Variants in SALL2 observed in about 807,000 individuals in gnomAD.
The protein encoded by SALL2 is spalt like transcription factor 2, also known as sal-like protein 2.
SALL2 carries 32 observed loss-of-function variants against 58.5 expected under a neutral mutation model. The ratio of observed to expected loss-of-function variants is 0.55; its 90% CI spans 0.41 to 0.74. The LOEUF is 0.74. Among genes scored for constraint, SALL2 ranks in the 30% least tolerant of loss-of-function variants. The pLI, the probability that SALL2 is intolerant of heterozygous loss-of-function variation, is 0.00. For synonymous variants in SALL2, 516 were observed against 513.6 expected (o/e 1.00, Z -0.06); for missense variants, 1,201 against 1,268.9 (o/e 0.95, Z 0.81).
In SALL2 at chr14:21,526,056, C is replaced by A. The variant is rs764880763; in HGVS notation, c.67+5G>T. On this transcript the variant is annotated splice_donor_5th_base_variant and intron_variant, in intron 1 of 1. Coordinates refer to ENST00000537235, the MANE Select transcript of SALL2 (RefSeq NM_001364564.1). ...CCCTGCCCAGCCCGACCGACCCTAC[C>A]GCACCTCCGAGCTCTGCCGGCTCCC... is the stretch of plus-strand genomic sequence containing the variant. The A allele has an allele frequency of 6.5e-7, 1 of 1,535,070 alleles. No individual in the cohort carries two copies. Among genetic ancestry groups the A allele is most frequent in the South Asian group, 1.2e-5 (1 of 84,032 alleles).
At chr14:21,536,334 AC>A (rs1892594896) in intron 1 of SALL2, among the ~76,000 whole-genome samples, 1 of 152,126 alleles carries the variant, frequency 6.6e-6, no homozygotes, top group African/African-American at 2.4e-5. Context: ...CTGCATTCTG[AC>A]CGACCTTAGC....
At chr14:21,533,228 C>T (rs1002583485) in intron 1 of SALL2, among the ~76,000 whole-genome samples, 6 of 152,028 alleles carry the variant, frequency 3.9e-5, no homozygotes, top group Non-Finnish European at 7.4e-5. Flanking sequence ...CTCTGTAACA[C>T]CAGGACTGAG....
At chr14:21,527,226 TGC>T (rs1892345913), upstream of SALL2, among the ~76,000 whole-genome samples, 1 of 152,102 alleles carries the variant, frequency 6.6e-6, no homozygotes, top group Non-Finnish European at 1.5e-5. Context: ...CTTGAAACAA[TGC>T]GGTAGGAACT....
intron 1 of SALL2, among the ~76,000 whole-genome samples, chr14:21,533,638 G>C (rs1473470155): frequency 6.6e-6 from 1 of 151,426 alleles, no homozygotes; most frequent in Non-Finnish European, 1.5e-5. Flanking sequence ...AGTGAATAGA[G>C]TATTTCCTGC....
rs138337497 is a variant in SALL2 at position 21,523,910 on chromosome 14, C to T, written c.1812G>A (p.Ala604=). 13 of 1,614,034 alleles carry T rather than the reference C, an allele frequency of 8.1e-6. No individual in the cohort carries two copies. Among genetic ancestry groups the T allele is most frequent in the Admixed American group, 3.3e-5 (2 of 60,006 alleles). Residue 604 remains alanine, a synonymous_variant, in exon 2 of 2, where the codon GCG becomes GCA. Coordinates refer to ENST00000537235, the MANE Select transcript of SALL2 (RefSeq NM_001364564.1). The surrounding 1 kb of genome is among the most constrained non-coding windows in gnomAD (Gnocchi z 4.4). ...VEKIDRQGAV[A]VTSAASGAPT... Reference sequence around the variant, plus strand: ...GGGCTCCTGAGGCAGCTGAGGTCACCGCCACAGCTCCTTGCCGGTCAATCT... The same window carrying T: ...GGGCTCCTGAGGCAGCTGAGGTCACTGCCACAGCTCCTTGCCGGTCAATCT...
In SALL2 at chr14:21,524,815, C is replaced by A. The variant is rs1195295070; in HGVS notation, c.907G>T (p.Ala303Ser). The A allele has an allele frequency of 3.1e-6, 5 of 1,610,104 alleles. No homozygotes were observed. Residue 303 changes from alanine to serine, a missense_variant, in exon 2 of 2, where the codon GCC becomes TCC. Transcript: ENST00000537235. ...AGCTGATCTGTGCTGCCTGGCAAGG[C>A]TGGGGAAGGGGCAGGGGTGGGTTTG... ...SHKPTPAPSP[A>S]LPGSTDQLIA...
chr14:21,523,355 T>A lies in SALL2; in HGVS notation c.2367A>T (p.Gly789=). Residue 789 remains glycine (G), a synonymous_variant, in exon 2 of 2, where the codon GGA becomes GGT. Coordinates refer to ENST00000537235, the MANE Select transcript of SALL2 (RefSeq NM_001364564.1). This position sits in a 1 kb window ranked among gnomAD's most constrained non-coding sequence, Gnocchi z 4.4. Reference sequence around the variant, plus strand: ...CTCTCACTGATATTGCCTTCTCACCTCCACTCTCTGAGCCTCTCCCTGCCA... The same window carrying A: ...CTCTCACTGATATTGCCTTCTCACCACCACTCTCTGAGCCTCTCCCTGCCA... ...DSLAGRGSES[G]GEKAISVRGD... 6.2e-7 allele frequency: 1 copy of A among 1,613,644 alleles called. No homozygotes were observed. Among genetic ancestry groups the A allele is most frequent in the South Asian group, 1.1e-5 (1 of 91,082 alleles).
upstream of SALL2, among the ~76,000 whole-genome samples, chr14:21,528,635 T>C (rs1189261162): frequency 2.6e-5 from 4 of 152,074 alleles, no homozygotes; most frequent in East Asian, 7.7e-4. Flanking sequence ...TTTTGTGCAA[T>C]GTGGTTTATT....
upstream of SALL2, among the ~76,000 whole-genome samples, chr14:21,530,391 G>A (rs1323645381): frequency 2.1e-5 from 3 of 143,332 alleles, no homozygotes; most frequent in East Asian, 2.1e-4. Flanking sequence ...AGGTTCAAGC[G>A]ATTCTCCTGC....
rs1736144341 is a variant in SALL2 at position 21,525,850 on chromosome 14, G to A, written c.68-196C>T. 6.7e-6 allele frequency among the ~76,000 whole-genome samples: 1 copy of A among 148,636 alleles called. No individual in the cohort carries two copies. Among genetic ancestry groups the A allele is most frequent in the South Asian group, 2.2e-4 (1 of 4,600 alleles). ...AACCCGGCATGGGGCAGGGGGGTGG[G>A]GAGGGAGGAGGGGAGGGGGGCAAGA... On this transcript the variant is annotated intron_variant, in intron 1 of 1. Transcript: ENST00000537235. This position sits in a 1 kb window ranked among gnomAD's most constrained non-coding sequence, Gnocchi z 4.4.
Position 21,525,060 on chromosome 14 carries a change from G to A in SALL2, c.662C>T (p.Pro221Leu), listed in dbSNP as rs200864996. ...LGQTVGAPAS[P>L]SELPGTGTAS... ...AGTCCCTGTCCCAGGTAGCTCTGAG[G>A]GACTGGCAGGGGCACCCACCGTCTG... Residue 221 changes from proline (P) to leucine (L), a missense_variant, in exon 2 of 2, where the codon CCC (proline) becomes CTC (leucine). Pro to Leu is a moderately conservative substitution (Grantham distance 98). Around this residue, in one of 3 missense-constraint regions of SALL2, gnomAD observed 467 missense variants for 468.9 expected, o/e 1.00. Coordinates refer to ENST00000537235, the MANE Select transcript of SALL2 (RefSeq NM_001364564.1). The surrounding 1 kb of genome is among the most constrained non-coding windows in gnomAD (Gnocchi z 4.4). 30 of 1,614,070 alleles carry A rather than the reference G, an allele frequency of 1.9e-5. No individual in the cohort carries two copies. The East Asian group carries it at 3.6e-4, about 19-fold the overall frequency.
Position 21,523,986 on chromosome 14 carries a change from G to A in SALL2, c.1736C>T (p.Pro579Leu), listed in dbSNP as rs754225684. 6.2e-7 allele frequency: 1 copy of A among 1,614,200 alleles called. No individual in the cohort carries two copies. Among genetic ancestry groups the A allele is most frequent in the Admixed American group, 1.7e-5 (1 of 60,024 alleles). ...TGTCTCAGAGGGTGAGGCCCCCAAG[G>A]GCTCTAGCACATAGGGGAAGGGGAA... ...GSFPFPYVLE[P>L]LGASPSETSK... Residue 579 changes from proline (P) to leucine (L), a missense_variant, in exon 2 of 2, where the codon CCC (proline) becomes CTC (leucine). Physicochemically the swap from Pro to Leu is moderately conservative, Grantham distance 98 (BLOSUM62 -3). This residue lies in a region of SALL2 where 675 missense variants were observed against 683.8 expected (regional missense o/e 0.99). Transcript: ENST00000537235. This position sits in a 1 kb window ranked among gnomAD's most constrained non-coding sequence, Gnocchi z 4.4.
chr14:21,526,014 T>TCCCCCGCCCCCC, intron 1 of SALL2, 47 bp downstream of exon 1: 4 of 1,041,062 alleles, frequency 3.8e-6, no homozygotes, highest in Non-Finnish European at 5.7e-6. Context: ...CCCCTGCGCA[T>TCCCCCGCCCCCC]CCCCCTCCGC....
chr14:21,521,981 G>C lies in SALL2; in HGVS notation c.*723C>G, dbSNP rs1215946262. The C allele has an allele frequency of 6.5e-7, 1 of 1,536,662 alleles. No individual in the cohort carries two copies. The highest frequency in any genetic ancestry group is 1.4e-5 in the African/African-American group (1 of 73,722). Reference sequence around the variant, plus strand: ...TCAGTACCGGCACCTTCTGGAGCAGGGGGAGGAAGAAGGAATGTACAGTTT... The same window carrying C: ...TCAGTACCGGCACCTTCTGGAGCAGCGGGAGGAAGAAGGAATGTACAGTTT... On this transcript the variant is annotated 3_prime_UTR_variant, in exon 2 of 2. Coordinates refer to ENST00000537235, the MANE Select transcript of SALL2 (RefSeq NM_001364564.1).
At chr14:21,536,358 G>C (rs901887987) in intron 1 of SALL2, among the ~76,000 whole-genome samples, 2 of 152,072 alleles carry the variant, frequency 1.3e-5, no homozygotes, top group South Asian at 4.2e-4. Flanking sequence ...TCTCCCTCTG[G>C]GAGCTCTGAT....
upstream of SALL2, among the ~76,000 whole-genome samples, chr14:21,530,863 T>C (rs1295129778): frequency 6.6e-6 from 1 of 152,208 alleles, no homozygotes. Context: ...CCTCCTGCCT[T>C]GTCCCCACAA....
intron 1 of SALL2, among the ~76,000 whole-genome samples, chr14:21,531,822 T>C (rs1044995135): frequency 6.6e-6 from 1 of 150,618 alleles, no homozygotes; most frequent in African/African-American, 2.4e-5. Context: ...CTCCGCCTCC[T>C]GGGTTCAAAC....
chr14:21,534,855 G>C (rs1332808339), intron 1 of SALL2, among the ~76,000 whole-genome samples: 1 of 152,176 alleles, frequency 6.6e-6, no homozygotes, highest in Non-Finnish European at 1.5e-5. Flanking sequence ...TATGGGCACA[G>C]TAGGATCCCA....
In SALL2 at chr14:21,522,779, G is replaced by C; in HGVS notation, c.2943C>G (p.Val981=). ...GPQNIAALSL[V]PGCSPSITST... ...AGGTGATGGAAGGCGAACAGCCAGG[G>C]ACTAGAGAAAGAGCAGCAATATTCT... Residue 981 remains valine, a synonymous_variant, in exon 2 of 2, where the codon GTC becomes GTG. Coordinates refer to ENST00000537235, the MANE Select transcript of SALL2 (RefSeq NM_001364564.1). 1.9e-6 allele frequency: 3 copies of C among 1,590,610 alleles called. No homozygotes were observed. The highest frequency in any genetic ancestry group is 1.7e-6 in the Non-Finnish European group (2 of 1,170,134).
Sources: gnomAD v4.1 joint callset for allele counts (sites outside exome capture counted in the v4.1 genomes callset) on GRCh38, gnomAD v4.1.1 for gene constraint, gnomAD v4.1.1 regional missense constraint, Gnocchi (gnomAD v3.1) non-coding constraint, MANE v1.5 for transcripts, NCBI Gene and HGNC (gene_info 2026-07-23, HGNC 2026-07-21) for gene names.